CEP164: variants seen among roughly 807,000 people sequenced by gnomAD.
The protein encoded by CEP164 is centrosomal protein 164.
In CEP164, 162 loss-of-function variants were observed where a neutral mutation model predicts 182.7. The observed-to-expected ratio is 0.89, with a 90% CI of 0.78 to 1.01. CEP164 has a LOEUF of 1.01. CEP164 is among the 50% of genes least tolerant of loss of function. The pLI is 0.00. For missense variants in CEP164, 1,735 were observed against 1,790.4 expected, an observed-to-expected ratio of 0.97 and a Z score of 0.56; for synonymous variants, 661 against 690.0, an observed-to-expected ratio of 0.96 and a Z score of 0.66.
At chr11:117,392,337 T>C (rs2044767855) in intron 18 of CEP164, 34 bp downstream of exon 18, 1 of 1,596,992 alleles carries the variant, frequency 6.3e-7, no homozygotes, top group Non-Finnish European at 8.5e-7. Context: ...CCTTCATGGC[T>C]GATTAGCAGA....
At chr11:117,355,722 G>C in intron 5 of CEP164, 6 of 1,173,804 alleles carry the variant, frequency 5.1e-6, no homozygotes, top group Non-Finnish European at 6.4e-6. Flanking sequence ...CCTGGACTGT[G>C]GATGGAACAG....
intron 27 of CEP164, among the ~76,000 whole-genome samples, chr11:117,400,462 T>C (rs1230911733): frequency 6.6e-6 from 1 of 152,230 alleles, no homozygotes; most frequent in Non-Finnish European, 1.5e-5. Context: ...TTGTCTTGGC[T>C]ATACAGGCTC....
At chr11:117,363,175 C>T (rs574519614) in intron 7 of CEP164, among the ~76,000 whole-genome samples, 1 of 152,292 alleles carries the variant, frequency 6.6e-6, no homozygotes, top group South Asian at 2.1e-4. Flanking sequence ...TCTATTATGT[C>T]TTCTAGATCT....
At chr11:117,389,213 A>G (rs1385493484) in intron 15 of CEP164, among the ~76,000 whole-genome samples, 1 of 152,150 alleles carries the variant, frequency 6.6e-6, no homozygotes, top group Non-Finnish European at 1.5e-5. Flanking sequence ...CTAGGTTTGA[A>G]TTCCCTGAGC....
At chr11:117,361,071 A>C (rs567044594) in intron 5 of CEP164, among the ~76,000 whole-genome samples, 3 of 149,762 alleles carry the variant, frequency 2.0e-5, no homozygotes, top group South Asian at 4.2e-4. Flanking sequence ...AGTATCTGGG[A>C]TTACAGGCAT....
intron 14 of CEP164, 45 bp from the exon 15 acceptor site, chr11:117,387,158 T>C (rs766305518): frequency 2.6e-6 from 4 of 1,528,060 alleles, no homozygotes; most frequent in Middle Eastern, 1.7e-4. Context: ...CAGAGGTGGG[T>C]GGACATTAAC....
rs760739226 is a variant in CEP164 at position 117,393,137 on chromosome 11, C to T, written c.2616+11C>T. ...CAGTATGAAGCTGAGGTAGCTCAGC[C>T]ACATCCCCTGCGCGCATGCACACAC... On this transcript the variant is annotated intron_variant, in intron 20 of 32. Coordinates refer to ENST00000278935, the MANE Select transcript of CEP164 (RefSeq NM_014956.5). The T allele has an allele frequency of 3.1e-6, 5 of 1,611,184 alleles. No homozygotes were observed. In the African/African-American group the frequency reaches 4.0e-5, roughly 13 times the overall value.
At chr11:117,403,501 T>C (rs2046363497) in intron 27 of CEP164, among the ~76,000 whole-genome samples, 1 of 152,364 alleles carries the variant, frequency 6.6e-6, no homozygotes, top group South Asian at 2.1e-4. Flanking sequence ...TTCTAGCTTG[T>C]AGGGTTTCTG....
At chr11:117,392,677 C>T (rs1448525050) in intron 19 of CEP164, 50 bp downstream of exon 19, 12 of 1,592,186 alleles carry the variant, frequency 7.5e-6, no homozygotes, top group Non-Finnish European at 9.4e-6. Flanking sequence ...TGTGGACTCT[C>T]TTACAGTCAG....
At position 117,363,427 on chromosome 11, in the gene CEP164, A is replaced by C. The variant is rs370034077; in HGVS notation, c.688-2A>C. The C allele has an allele frequency of 8.1e-5, 130 of 1,611,812 alleles. No individual in the cohort carries two copies. Among genetic ancestry groups the C allele is most frequent in the Non-Finnish European group, 1.1e-4 (126 of 1,178,130 alleles). On this transcript the variant is annotated splice_acceptor_variant, in intron 7 of 32. Transcript: ENST00000278935. LOFTEE classifies it high-confidence loss of function. The stretch of plus-strand genomic sequence containing the variant: ...ACCACTTGTCATCATTTTTGTTTCT[A>C]GAGTGTCCACAGCTCAAGTGAGCCT...
At chr11:117,360,702 C>T (rs1275742391) in intron 5 of CEP164, among the ~76,000 whole-genome samples, 3 of 151,860 alleles carry the variant, frequency 2.0e-5, no homozygotes, top group Admixed American at 6.6e-5. Flanking sequence ...AGTGCATGTC[C>T]GTAGTTAAAA....
chr11:117,324,440 C>CAAAA (rs376068330), upstream of CEP164, among the ~76,000 whole-genome samples: 10 of 125,274 alleles, frequency 8.0e-5, 1 homozygote, highest in South Asian at 2.3e-3. Context: ...AACTCCCTCT[C>CAAAA]AAAAAAAAAA....
rs764958657 is a variant in CEP164, at chr11:117,371,168, C to G, written c.854C>G (p.Ser285Cys). Reference sequence around the variant, plus strand: ...GGTCCCCCTACTCCCTGCAAGCCCTCCAGCCCAGGTGCAGACAGCAGTCTG... The same window carrying G: ...GGTCCCCCTACTCCCTGCAAGCCCTGCAGCCCAGGTGCAGACAGCAGTCTG... ...AAGPPTPCKP[S>C]SPGADSSLSS... Residue 285 changes from serine (S) to cysteine (C), a missense_variant, in exon 9 of 33, where the codon TCC becomes TGC. Physicochemically the swap from Ser to Cys is moderately radical, Grantham distance 112. Transcript: ENST00000278935. 1.2e-6 allele frequency: 2 copies of G among 1,614,174 alleles called. No homozygotes were observed. The highest frequency in any genetic ancestry group is 1.7e-4 in the Middle Eastern group (1 of 6,060).
At chr11:117,387,078 T>C in intron 14 of CEP164, 125 bp from the exon 15 acceptor site, 2 of 845,520 alleles carry the variant, frequency 2.4e-6, no homozygotes, top group East Asian at 4.9e-5. Flanking sequence ...GGTGACCTCT[T>C]TGACTCCTGA....
chr11:117,396,752 G>A, intron 26 of CEP164, 141 bp downstream of exon 26: 1 of 739,706 alleles, frequency 1.4e-6, no homozygotes, highest in Non-Finnish European at 2.4e-6. Context: ...AGGCTCCGGA[G>A]GATTAAGGAA....
intron 8 of CEP164, among the ~76,000 whole-genome samples, chr11:117,365,780 A>G (rs1012963595): frequency 6.6e-6 from 1 of 151,954 alleles, no homozygotes; most frequent in Non-Finnish European, 1.5e-5. Flanking sequence ...GGGTTTCACC[A>G]TGTTGGCCAG....
In CEP164 at chr11:117,382,930, T is replaced by A. The variant is rs2043507824; in HGVS notation, c.1712T>A (p.Val571Asp). The A allele has an allele frequency of 1.2e-6, 2 of 1,613,236 alleles. No individual in the cohort carries two copies. Among genetic ancestry groups the A allele is most frequent in the Non-Finnish European group, 1.7e-6 (2 of 1,179,962 alleles). ...GTGGCGGTCAGCCCCACCCCGCCAG[T>A]CTCTCCAGAGGTGTAAGGGCCAGTT... is the stretch of plus-strand genomic sequence containing the variant. ...EKVAVSPTPPVSPEVRSTEPV... is the reference protein window; with the variant it reads ...EKVAVSPTPPDSPEVRSTEPV... Residue 571 changes from valine to aspartate, a missense_variant, in exon 14 of 33, where the codon GTC becomes GAC. Transcript: ENST00000278935.
chr11:117,395,687 G>A lies in CEP164; in HGVS notation c.3054G>A (p.Leu1018=), dbSNP rs2045339990. The change falls in exon 24 of 33, where the codon CTG becomes CTA. Residue 1018 remains leucine (L), a synonymous_variant. Coordinates refer to ENST00000278935, the MANE Select transcript of CEP164 (RefSeq NM_014956.5). ...AGCTGGAGTCCCAAGTGGATCTGCT[G>A]CAGGCTCAGAGCCAGCAACTGCAGA... ...KLKLESQVDL[L]QAQSQQLQKH... is the part of the protein sequence containing the mutation. 3.7e-6 allele frequency: 6 copies of A among 1,613,020 alleles called. No individual in the cohort carries two copies. The highest frequency in any genetic ancestry group is 5.1e-6 in the Non-Finnish European group (6 of 1,179,934).
intron 8 of CEP164, among the ~76,000 whole-genome samples, chr11:117,368,042 T>G (rs2041832517): frequency 6.6e-6 from 1 of 152,244 alleles, no homozygotes; most frequent in Non-Finnish European, 1.5e-5. Context: ...CTTATTCATA[T>G]TTAACAGTTT....
Sources: gnomAD v4.1 joint callset for allele counts (sites outside exome capture counted in the v4.1 genomes callset) on GRCh38, gnomAD v4.1.1 for gene constraint, MANE v1.5 for transcripts, NCBI Gene and HGNC (gene_info 2026-07-23, HGNC 2026-07-21) for gene names.